KLKB1: variants seen among roughly 807,000 people sequenced by gnomAD.
The protein encoded by KLKB1 is plasma kallikrein.
KLKB1 carries 58 observed loss-of-function variants against 73.6 expected under a neutral mutation model. The observed-to-expected ratio is 0.79, with a 90% CI of 0.64 to 0.98. The LOEUF (loss-of-function observed/expected upper bound fraction) is 0.98, where lower values mean the gene tolerates loss of function less well. KLKB1 is among the 50% of genes least tolerant of loss of function. The probability of loss-of-function intolerance (pLI) is 0.00; values close to 1 mark genes in which losing one functional copy is unlikely to be tolerated. For missense variants in KLKB1, 737 were observed against 763.8 expected (o/e 0.96, Z 0.41); for synonymous variants, 280 against 258.1 (o/e 1.08, Z -0.81).
At chr4:186,212,044 G>T (rs1345794706) in intron 2 of KLKB1, 1 of 152,034 alleles carries the variant, frequency 6.6e-6, no homozygotes, top group Non-Finnish European at 1.5e-5. Context: ...ATCTAGTTAT[G>T]CTCCTTTATA....
At chr4:186,219,019 A>G (rs573582760) in intron 2 of KLKB1, among the ~76,000 whole-genome samples, 8 of 152,292 alleles carry the variant, frequency 5.3e-5, no homozygotes, top group Admixed American at 2.0e-4. Flanking sequence ...CTTGGAGTAC[A>G]ATGTTCAAGG....
intron 2 of KLKB1, 113 bp from the exon 3 acceptor site, chr4:186,232,014 A>G (rs778768806): frequency 4.5e-4 from 342 of 753,654 alleles, no homozygotes; most frequent in Non-Finnish European, 6.7e-4. Flanking sequence ...TTAGAGTTGT[A>G]TTATACAGGT....
intron 5 of KLKB1, 98 bp from the exon 6 acceptor site, chr4:186,238,158 T>C: frequency 1.2e-6 from 1 of 805,474 alleles, no homozygotes; most frequent in Non-Finnish European, 2.2e-6. Flanking sequence ...TCAGGGTCAT[T>C]GTTTTTCCAC....
intron 6 of KLKB1, among the ~76,000 whole-genome samples, chr4:186,245,112 A>G (rs1738259698): frequency 6.6e-6 from 1 of 152,068 alleles, no homozygotes; most frequent in Non-Finnish European, 1.5e-5. Context: ...AGGTGGTGAT[A>G]ACTAAAAAGG....
Position 186,257,245 on chromosome 4 carries a change from A to G in KLKB1, c.1605A>G (p.Leu535=), listed in dbSNP as rs375425733. ...TCACAGGTGAAATCCAAAATATTCTACAAAAGGTAAATATTCCTTTGGTAA... is the reference window on the plus strand; with the variant it reads ...TCACAGGTGAAATCCAAAATATTCTGCAAAAGGTAAATATTCCTTTGGTAA... The part of the protein sequence containing the change: ...SKEKGEIQNI[L]QKVNIPLVTN... Residue 535 remains leucine, a synonymous_variant, in exon 14 of 15, where the codon CTA becomes CTG. Transcript: ENST00000264690. The G allele has an allele frequency of 1.4e-5, 22 of 1,592,770 alleles. No homozygotes were observed. The highest frequency in any genetic ancestry group is 1.9e-5 in the Non-Finnish European group (22 of 1,166,366).
chr4:186,254,836 G>C (rs1738900531), intron 12 of KLKB1, 73 bp downstream of exon 12: 8 of 1,335,582 alleles, frequency 6.0e-6, no homozygotes, highest in Non-Finnish European at 8.5e-6. Context: ...TTGAACAAGA[G>C]GGCAGACCTA....
rs752644194 is a variant in KLKB1, at chr4:186,232,306, C to A, written c.221+17C>A. The A allele has an allele frequency of 1.2e-6, 2 of 1,610,838 alleles. No homozygotes were observed. The highest frequency in any genetic ancestry group is 1.7e-6 in the Non-Finnish European group (2 of 1,177,054). On this transcript the variant is annotated intron_variant, in intron 3 of 14. Coordinates refer to ENST00000264690, the MANE Select transcript of KLKB1 (RefSeq NM_000892.5). ...GGAGAAAAGGTAAAAGTTGGTATTT[C>A]ATTATTGGAGAAGCTGTTTTTCAAA... is the stretch of plus-strand genomic sequence containing the variant.
intron 4 of KLKB1, among the ~76,000 whole-genome samples, chr4:186,234,773 A>C (rs889844873): frequency 2.6e-5 from 4 of 152,216 alleles, no homozygotes; most frequent in Non-Finnish European, 5.9e-5. Context: ...CTTGGGAAAC[A>C]GTTTCCAATG....
At chr4:186,220,706 G>A (rs1476081291) in intron 2 of KLKB1, among the ~76,000 whole-genome samples, 1 of 152,120 alleles carries the variant, frequency 6.6e-6, no homozygotes, top group Non-Finnish European at 1.5e-5. Context: ...ATTTAGTCTG[G>A]CTAATATTTT....
chr4:186,218,629 AGTGTGTGTGT>A (rs536955243), intron 2 of KLKB1, among the ~76,000 whole-genome samples: 1 of 144,350 alleles, frequency 6.9e-6, no homozygotes, highest in Non-Finnish European at 1.5e-5. Flanking sequence ...TATTTTACAT[AGTGTGTGTGT>A]GTGTGTGTGT....
chr4:186,236,708 A>T (rs533184223), intron 4 of KLKB1, 73 bp from the exon 5 acceptor site: 22 of 1,470,946 alleles, frequency 1.5e-5, no homozygotes, highest in African/African-American at 2.8e-5. Context: ...ACCAACCCAA[A>T]TGGTAGTGGG....
At chr4:186,225,105 G>A (rs941734890), upstream of KLKB1, among the ~76,000 whole-genome samples, 26 of 152,146 alleles carry the variant, frequency 1.7e-4, no homozygotes, top group Non-Finnish European at 3.4e-4. Context: ...ATGGGTAACT[G>A]TGAGTCAGTT....
rs10033581 is a variant in KLKB1, at chr4:186,211,382, C to T, written c.201+2110C>T. 0.82 allele frequency: 124,449 copies of T among 151,752 alleles called. 51,920 individuals carry two copies. Among genetic ancestry groups the T allele is most frequent in the East Asian group, 0.93 (4,770 of 5,130 alleles). 9.4% of individuals were successfully genotyped at this position (151,752 alleles called of 1,614,324 possible). The stretch of plus-strand genomic sequence containing the variant: ...AGGCTGGAACGCAGTGGTGACATCT[C>T]GGCTCACTGCAACCTCCACCTCCCA... On this transcript the variant is annotated intron_variant, in intron 2 of 14. Transcript: ENST00000511608.
chr4:186,228,124 T>C, intron 1 of KLKB1, 71 bp from the exon 2 acceptor site: 1 of 887,008 alleles, frequency 1.1e-6, no homozygotes, highest in South Asian at 1.4e-5. Context: ...AAAATCTAAA[T>C]CACCTTAAAT....
chr4:186,256,126 C>T, intron 13 of KLKB1, 39 bp downstream of exon 13: 1 of 1,311,354 alleles, frequency 7.6e-7, no homozygotes, highest in African/African-American at 1.5e-5. Context: ...TAGAGTAAGT[C>T]TCACATGTTG....
chr4:186,243,889 G>A (rs371115536), intron 6 of KLKB1, among the ~76,000 whole-genome samples: 7 of 152,190 alleles, frequency 4.6e-5, no homozygotes, highest in African/African-American at 1.7e-4. Flanking sequence ...ATTAGGCCTG[G>A]TGGAACTGCC....
At chr4:186,233,472 G>A (rs1737500821) in intron 3 of KLKB1, among the ~76,000 whole-genome samples, 1 of 152,178 alleles carries the variant, frequency 6.6e-6, no homozygotes, top group Admixed American at 6.5e-5. Flanking sequence ...AAAAGTGGAG[G>A]AAGGTTCTAG....
chr4:186,211,126 A>ACTATATC (rs1736706242), intron 2 of KLKB1: 1 of 160,028 alleles, frequency 6.2e-6, no homozygotes, highest in African/African-American at 2.4e-5. Context: ...GTCGTGAGCC[A>ACTATATC]CCACGCCTGG....
rs144790548 is a variant in KLKB1 at position 186,229,894 on chromosome 4, C to A, written c.58+1641C>A. Among the ~76,000 whole-genome samples the A allele has an allele frequency of 3.1e-3, 465 of 152,240 alleles. 3 individuals are homozygous for A. The highest frequency in any genetic ancestry group is 0.011 in the African/African-American group (438 of 41,540). ...GTGGTGACCCAATCAGAGCCAACGT[C>A]TTGCAATGAAGCTTTTCTTTAGACA... is the stretch of plus-strand genomic sequence containing the variant. On this transcript the variant is annotated intron_variant, in intron 2 of 14. Coordinates refer to ENST00000264690, the MANE Select transcript of KLKB1 (RefSeq NM_000892.5).
Sources: gnomAD v4.1 joint callset for allele counts (sites outside exome capture counted in the v4.1 genomes callset) on GRCh38, gnomAD v4.1.1 for gene constraint, MANE v1.5 for transcripts, NCBI Gene and HGNC (gene_info 2026-07-23, HGNC 2026-07-21) for gene names.